The following MPV17L2 variants were observed in gnomAD, a reference collection of about 807,000 sequenced individuals.
MPV17L2 encodes mpv17-like protein 2.
In MPV17L2, 25 loss-of-function variants were observed where a neutral mutation model predicts 24.2. The observed-to-expected ratio is 1.03, with a 90% CI of 0.75 to 1.44. The LOEUF is 1.44. Ranked by LOEUF, MPV17L2 falls within the 40% of genes most tolerant of loss-of-function variation. The probability of loss-of-function intolerance (pLI) is 0.00; values close to 1 mark genes in which losing one functional copy is unlikely to be tolerated. For synonymous variants in MPV17L2, 130 were observed against 121.4 expected, an observed-to-expected ratio of 1.07 and a Z score of -0.46; for missense variants, 271 against 276.2, an observed-to-expected ratio of 0.98 and a Z score of 0.13.
At position 18,193,265 on chromosome 19, in the gene MPV17L2, C is replaced by G; in HGVS notation, c.-17C>G. On this transcript the variant is annotated 5_prime_UTR_variant, in exon 1 of 5. Coordinates refer to ENST00000599612, the MANE Select transcript of MPV17L2 (RefSeq NM_032683.3). ...CGAAAGCAGAGCGGCGCGCCGGTTCCTTGGTTCCTGAGGGCGATGGCGCGG... is the reference window on the plus strand; with the variant it reads ...CGAAAGCAGAGCGGCGCGCCGGTTCGTTGGTTCCTGAGGGCGATGGCGCGG... The G allele has an allele frequency of 6.7e-7, 1 of 1,487,188 alleles. No homozygotes were observed. The highest frequency in any genetic ancestry group is 1.5e-5 in the African/African-American group (1 of 68,584). The allele number at this position is 1,487,188 out of a possible 1,614,324, so 92.1% of individuals were successfully genotyped here.
rs1019373336 is a variant in MPV17L2 at position 18,194,863 on chromosome 19, C to A, written c.435+10C>A. The A allele has an allele frequency of 6.2e-7, 1 of 1,601,022 alleles. No homozygotes were observed. Among genetic ancestry groups the A allele is most frequent in the Non-Finnish European group, 8.5e-7 (1 of 1,174,684 alleles). On this transcript the variant is annotated intron_variant, in intron 3 of 4. Coordinates refer to ENST00000599612, the MANE Select transcript of MPV17L2 (RefSeq NM_032683.3). Reference sequence around the variant, plus strand: ...CTGGGAATTCTACAAGGTGGGAGCACCCGCCCCTTGCACATGTCCGGCCCC... The same window carrying A: ...CTGGGAATTCTACAAGGTGGGAGCAACCGCCCCTTGCACATGTCCGGCCCC...
chr19:18,194,903 G>A (rs779446782), intron 3 of MPV17L2, 50 bp downstream of exon 3: 5 of 1,568,136 alleles, frequency 3.2e-6, no homozygotes, highest in Non-Finnish European at 4.3e-6. Context: ...CCTGATGGCC[G>A]CTCCGCCCCC....
At chr19:18,195,892 C>A in intron 4 of MPV17L2, 107 bp from the exon 5 acceptor site, 1 of 1,074,674 alleles carries the variant, frequency 9.3e-7, no homozygotes, top group African/African-American at 1.6e-5. Context: ...TCAGCCCGGT[C>A]CCTGCCAAGT....
rs556940459 is a variant in MPV17L2, at chr19:18,193,728, C to T, written c.188-136C>T. The stretch of plus-strand genomic sequence containing the variant: ...TGTAGTGGAAGAATGCACGGGTGGG[C>T]TCTTCCGGTTTTCCCGGTGAGGCTG... On this transcript the variant is annotated intron_variant, in intron 1 of 4. Coordinates refer to ENST00000599612, the MANE Select transcript of MPV17L2 (RefSeq NM_032683.3). The T allele has an allele frequency of 3.0e-5, 44 of 1,478,096 alleles. No homozygotes were observed. The South Asian group carries it at 5.1e-4, about 17-fold the overall frequency. 91.6% of individuals were successfully genotyped at this position (1,478,096 alleles called of 1,614,324 possible).
Position 18,196,040 on chromosome 19 carries a change from C to T in MPV17L2, c.606C>T (p.Asp202=). The T allele has an allele frequency of 1.2e-6, 2 of 1,613,934 alleles. No homozygotes were observed. The highest frequency in any genetic ancestry group is 1.7e-6 in the Non-Finnish European group (2 of 1,179,864). Residue 202 remains aspartate, a synonymous_variant, in exon 5 of 5, where the codon GAC becomes GAT. Coordinates refer to ENST00000599612, the MANE Select transcript of MPV17L2 (RefSeq NM_032683.3). ...PLTPPGCVAL[D]TRAD ...CACCCCCAGGCTGTGTGGCCCTGGA[C>T]ACCCGAGCAGACTGAACTGTCTGCT...
chr19:18,193,359 C>T lies in MPV17L2; in HGVS notation c.78C>T (p.Leu26=), dbSNP rs755093331. 2.6e-6 allele frequency: 4 copies of T among 1,567,740 alleles called. No homozygotes were observed. Among genetic ancestry groups the T allele is most frequent in the African/African-American group, 1.4e-5 (1 of 72,584 alleles). ...TTCTATTCCAGGGCCGCGCGCTGCT[C>T]GTCACTAACACGCTGGGCTGCGGCG... ...GQLLFQGRAL[L]VTNTLGCGAL... is the part of the protein sequence containing the mutation. Residue 26 remains leucine (L), a synonymous_variant, in exon 1 of 5, where the codon CTC becomes CTT. Transcript: ENST00000599612.
chr19:18,195,180 G>A, intron 4 of MPV17L2, 94 bp downstream of exon 4: 1 of 1,527,212 alleles, frequency 6.5e-7, no homozygotes, highest in Admixed American at 2.0e-5. Context: ...ACCCTGGAGG[G>A]TGGGAGTCTC....
chr19:18,195,109 GCA>G (rs776407108), intron 4 of MPV17L2, 23 bp downstream of exon 4: 30 of 1,610,338 alleles, frequency 1.9e-5, no homozygotes, highest in Non-Finnish European at 2.4e-5. Context: ...GGCATACCAG[GCA>G]CCCAGGGGAC....
Position 18,196,214 on chromosome 19 carries a change from C to T in MPV17L2, c.*159C>T. The stretch of plus-strand genomic sequence containing the variant: ...GGCTGAGCCGCCCTTTCCAAGCTCA[C>T]TTCTGGGACTGAGTTTCCTCAACCG... On this transcript the variant is annotated 3_prime_UTR_variant, in exon 5 of 5. Transcript: ENST00000599612. The T allele has an allele frequency of 6.5e-7, 1 of 1,535,114 alleles. No individual in the cohort carries two copies. The highest frequency in any genetic ancestry group is 8.7e-7 in the Non-Finnish European group (1 of 1,145,294).
rs1600025200 is a variant in MPV17L2 at position 18,196,691 on chromosome 19, T to A, written c.*636T>A. On this transcript the variant is annotated 3_prime_UTR_variant, in exon 5 of 5. Transcript: ENST00000599612. ...GTGTTCGAGACCAGCCTGGGCAACA[T>A]AGCAAGACCCTGTCTCTATTTATAT... The A allele has an allele frequency of 3.0e-6, 1 of 338,274 alleles. No individual in the cohort carries two copies. The highest frequency in any genetic ancestry group is 2.3e-5 in the South Asian group (1 of 43,250). The allele number at this position is 338,274 out of a possible 1,614,324, so 21.0% of individuals were successfully genotyped here.
chr19:18,193,267 T>C lies in MPV17L2; in HGVS notation c.-15T>C. On this transcript the variant is annotated 5_prime_UTR_variant, in exon 1 of 5. Transcript: ENST00000599612. The stretch of plus-strand genomic sequence containing the variant: ...AAAGCAGAGCGGCGCGCCGGTTCCT[T>C]GGTTCCTGAGGGCGATGGCGCGGGG... The C allele has an allele frequency of 6.7e-7, 1 of 1,489,518 alleles. No individual in the cohort carries two copies. The allele number at this position is 1,489,518 out of a possible 1,614,324, so 92.3% of individuals were successfully genotyped here.
Position 18,193,222 on chromosome 19 carries a change from C to T in MPV17L2, c.-60C>T, listed in dbSNP as rs955565882. 1.4e-6 allele frequency: 2 copies of T among 1,408,678 alleles called. No homozygotes were observed. The highest frequency in any genetic ancestry group is 3.0e-5 in the African/African-American group (2 of 66,122). The allele number at this position is 1,408,678 out of a possible 1,614,324, so 87.3% of individuals were successfully genotyped here. ...GGGCAATTTGGGATCGACAGTGACT[C>T]GCGACTGGTCGGCGCGGCGAAAGCA... On this transcript the variant is annotated 5_prime_UTR_variant, in exon 1 of 5. Coordinates refer to ENST00000599612, the MANE Select transcript of MPV17L2 (RefSeq NM_032683.3).
Position 18,194,782 on chromosome 19 carries a change from GGCT to G in MPV17L2, c.367_369del (p.Cys123del). 1 of 1,608,382 alleles carries G rather than the reference GGCT, an allele frequency of 6.2e-7. No individual in the cohort carries two copies. The highest frequency in any genetic ancestry group is 2.1e-4 in the Middle Eastern group (1 of 4,784). On this transcript the variant is annotated inframe_deletion, in exon 3 of 5. Transcript: ENST00000599612. ...TTTCTTGGTTTGCTTCCCAGGCCTT[GGCT>G]GCCTGGAGGGTCAGACAGTGGGTGA...
At chr19:18,195,538 A>ACAAAC (rs1185564548) in intron 4 of MPV17L2, among the ~76,000 whole-genome samples, 1 of 147,778 alleles carries the variant, frequency 6.8e-6, no homozygotes. Context: ...TCCGTTTCAA[A>ACAAAC]AAAAAAAGAC....
chr19:18,193,437 G>A lies in MPV17L2; in HGVS notation c.156G>A (p.Arg52=). The change falls in exon 1 of 5, where the codon CGG becomes CGA. Residue 52 remains arginine (R), a synonymous_variant. Transcript: ENST00000599612. The part of the protein sequence containing the change: ...GVRQSWEIRA[R]PGQVFDPRRS... ...GCCAGTCCTGGGAGATCCGCGCCCG[G>A]CCCGGCCAGGTTTTCGACCCACGGC... 1.3e-6 allele frequency: 2 copies of A among 1,547,260 alleles called. No homozygotes were observed. Among genetic ancestry groups the A allele is most frequent in the East Asian group, 2.4e-5 (1 of 41,656 alleles).
chr19:18,195,559 C>T (rs1967500611), intron 4 of MPV17L2, among the ~76,000 whole-genome samples: 1 of 150,126 alleles, frequency 6.7e-6, no homozygotes, highest in Admixed American at 6.7e-5. Flanking sequence ...CCATGCCGGG[C>T]GCGGTGGCTC....
At chr19:18,195,675 T>C (rs1044002800) in intron 4 of MPV17L2, among the ~76,000 whole-genome samples, 16 of 135,600 alleles carry the variant, frequency 1.2e-4, no homozygotes, top group African/African-American at 4.3e-4. Context: ...CTACTAAAAA[T>C]ACAAAAAAAA....
Position 18,196,198 on chromosome 19 carries a change from G to GC in MPV17L2, c.*146dup. On this transcript the variant is annotated 3_prime_UTR_variant, in exon 5 of 5. Coordinates refer to ENST00000599612, the MANE Select transcript of MPV17L2 (RefSeq NM_032683.3). ...CAGCTCCGGAGCATTGGGCTGAGCC[G>GC]CCCTTTCCAAGCTCACTTCTGGGAC... The GC allele has an allele frequency of 6.5e-7, 1 of 1,542,134 alleles. No homozygotes were observed. The highest frequency in any genetic ancestry group is 1.2e-5 in the South Asian group (1 of 84,770).
Position 18,193,884 on chromosome 19 carries a change from T to G in MPV17L2, c.208T>G (p.Cys70Gly). Residue 70 changes from cysteine to glycine, a missense_variant, in exon 2 of 5, where the codon TGC (cysteine) becomes GGC (glycine). Transcript: ENST00000599612. Reference protein sequence around the residue: ...RRSASMFAVGCSMGPFLHYWY... With the variant: ...RRSASMFAVGGSMGPFLHYWY... ...TATAGCGAGCATGTTTGCGGTGGGC[T>G]GCAGCATGGGTCCCTTCCTGCACTA... 6.2e-7 allele frequency: 1 copy of G among 1,614,152 alleles called. No individual in the cohort carries two copies. The highest frequency in any genetic ancestry group is 8.5e-7 in the Non-Finnish European group (1 of 1,180,016).
Sources: gnomAD v4.1 joint callset for allele counts (sites outside exome capture counted in the v4.1 genomes callset) on GRCh38, gnomAD v4.1.1 for gene constraint, MANE v1.5 for transcripts, NCBI Gene and HGNC (gene_info 2026-07-23, HGNC 2026-07-21) for gene names.